SCN8A: variants seen among roughly 807,000 people sequenced by gnomAD.
SCN8A encodes the protein sodium channel protein type 8 subunit alpha.
SCN8A carries 30 observed loss-of-function variants against 184.1 expected under a neutral mutation model. The ratio of observed to expected loss-of-function variants is 0.16; its 90% CI spans 0.12 to 0.22. The LOEUF (loss-of-function observed/expected upper bound fraction) is 0.22. SCN8A is among the 10% of genes least tolerant of loss of function. The pLI, the probability that SCN8A is intolerant of heterozygous loss-of-function variation, is 1.00. For missense variants in SCN8A, 1,057 were observed against 2,498.9 expected (o/e 0.42, Z 12.30); for synonymous variants, 852 against 907.0 (o/e 0.94, Z 1.09).
At chr12:51,690,515 G>A (rs1941488778) in intron 6 of SCN8A, among the ~76,000 whole-genome samples, 1 of 151,600 alleles carries the variant, frequency 6.6e-6, no homozygotes, top group Non-Finnish European at 1.5e-5. Flanking sequence ...ATCACACCCA[G>A]CTCATTTTTA....
chr12:51,763,618 AGTGTTT>A (rs937708119), intron 15 of SCN8A, among the ~76,000 whole-genome samples: 1 of 152,222 alleles, frequency 6.6e-6, no homozygotes, highest in Non-Finnish European at 1.5e-5. Context: ...TGAAGAAGTT[AGTGTTT>A]AAGTTACTCT....
chr12:51,626,401 G>A (rs1034877255), intron 1 of SCN8A, among the ~76,000 whole-genome samples: 1 of 152,096 alleles, frequency 6.6e-6, no homozygotes, highest in Non-Finnish European at 1.5e-5. Flanking sequence ...TACCCAACAC[G>A]ACCTTCCTGC....
intron 1 of SCN8A, among the ~76,000 whole-genome samples, chr12:51,640,220 T>G (rs945543249): frequency 2.7e-4 from 4 of 15,038 alleles, no homozygotes; most frequent in East Asian, 1.4e-3. Flanking sequence ...CTGTTTTTTT[T>G]TTTTTTTTTT....
intron 16 of SCN8A, chr12:51,766,374 A>G (rs1000913385): frequency 4.5e-5 from 15 of 331,274 alleles, no homozygotes; most frequent in Non-Finnish European, 6.8e-5. Context: ...CTTTTTCTTA[A>G]CGACAATTTC....
intron 15 of SCN8A, 39 bp from the exon 16 acceptor site, chr12:51,765,632 T>G: frequency 1.7e-6 from 2 of 1,178,302 alleles, no homozygotes; most frequent in Non-Finnish European, 2.3e-6. Flanking sequence ...ATTGATTGAG[T>G]ATCATTTATT....
At chr12:51,658,263 C>T (rs1329107644) in intron 1 of SCN8A, among the ~76,000 whole-genome samples, 1 of 152,048 alleles carries the variant, frequency 6.6e-6, no homozygotes, top group Non-Finnish European at 1.5e-5. Flanking sequence ...GATGTCTTTC[C>T]ACTTTTTTTC....
intron 7 of SCN8A, among the ~76,000 whole-genome samples, 167 bp from the exon 8 acceptor site, chr12:51,700,977 A>C (rs1941677375): frequency 6.6e-6 from 1 of 152,236 alleles, no homozygotes; most frequent in Non-Finnish European, 1.5e-5. Flanking sequence ...TATATATAAG[A>C]AAATCATTAA....
At chr12:51,746,910 T>C (rs1942519604) in intron 13 of SCN8A, among the ~76,000 whole-genome samples, 1 of 152,242 alleles carries the variant, frequency 6.6e-6, no homozygotes, top group Admixed American at 6.5e-5. Flanking sequence ...TTGATTTAGC[T>C]GAGTTGTCTC....
intron 2 of SCN8A, among the ~76,000 whole-genome samples, chr12:51,676,030 C>T (rs1165186822): frequency 6.6e-6 from 1 of 152,054 alleles, no homozygotes; most frequent in Non-Finnish European, 1.5e-5. Flanking sequence ...TTTTAAAATA[C>T]GGGATTTAGT....
chr12:51,592,992 C>T (rs1183802910), intron 1 of SCN8A, among the ~76,000 whole-genome samples: 1 of 152,062 alleles, frequency 6.6e-6, no homozygotes, highest in East Asian at 1.9e-4. Context: ...ATGCAAATGG[C>T]TGGATAACAT....
chr12:51,706,707 A>G lies in SCN8A; in HGVS notation c.1627A>G (p.Met543Val). ...CAGAATAGGGAGGAAATTTTCCATC[A>G]TGAATCAGGTAAACTCTTCTTTTTT... ...DNRIGRKFSIMNQSLLSIPGS... is the reference protein window; with the variant it reads ...DNRIGRKFSIVNQSLLSIPGS... Residue 543 changes from methionine (M) to valine (V), a missense_variant, in exon 11 of 27, where the codon ATG (methionine) becomes GTG (valine). Met to Val is a conservative substitution (Grantham distance 21). Transcript: ENST00000627620. The G allele has an allele frequency of 6.5e-7, 1 of 1,538,044 alleles. No homozygotes were observed. The highest frequency in any genetic ancestry group is 2.3e-5 in the East Asian group (1 of 44,084).
chr12:51,618,794 A>C (rs1309552532), intron 1 of SCN8A, among the ~76,000 whole-genome samples: 2 of 152,160 alleles, frequency 1.3e-5, no homozygotes, highest in Non-Finnish European at 2.9e-5. Flanking sequence ...AGATCAAGTG[A>C]CTAGATTGAC....
At position 51,807,445 on chromosome 12, in the gene SCN8A, C is replaced by T. The variant is rs777371488; in HGVS notation, c.*16C>T. 6.3e-7 allele frequency: 1 copy of T among 1,591,356 alleles called. No homozygotes were observed. Among genetic ancestry groups the T allele is most frequent in the Admixed American group, 1.8e-5 (1 of 56,288 alleles). On this transcript the variant is annotated 3_prime_UTR_variant, in exon 27 of 27. Coordinates refer to ENST00000627620, the MANE Select transcript of SCN8A (RefSeq NM_001330260.2). The surrounding 1 kb of genome is among the most constrained non-coding windows in gnomAD (Gnocchi z 4.5). ...CAAGTGTTAGAGGAGAACAAAAATTCAGTATTATACAGATCTAAAACTCGC... is the reference window on the plus strand; with the variant it reads ...CAAGTGTTAGAGGAGAACAAAAATTTAGTATTATACAGATCTAAAACTCGC...
intron 13 of SCN8A, among the ~76,000 whole-genome samples, chr12:51,747,942 C>A (rs577181701): frequency 6.6e-6 from 1 of 152,130 alleles, no homozygotes; most frequent in African/African-American, 2.4e-5. Context: ...AAATATTATT[C>A]CAGTTTTTTG....
chr12:51,713,309 C>T, intron 11 of SCN8A: 1 of 1,109,996 alleles, frequency 9.0e-7, no homozygotes, highest in Non-Finnish European at 1.4e-6. Context: ...TGCCCATCAA[C>T]CTTGTGTGGT....
intron 1 of SCN8A, among the ~76,000 whole-genome samples, chr12:51,610,313 G>C (rs2138576102): frequency 6.6e-6 from 1 of 152,292 alleles, no homozygotes; most frequent in South Asian, 2.1e-4. Flanking sequence ...GCAGCAGATG[G>C]TTGGTGAGTT....
chr12:51,766,839 C>T (rs74239984), intron 16 of SCN8A, among the ~76,000 whole-genome samples: 2 of 152,142 alleles, frequency 1.3e-5, no homozygotes, highest in African/African-American at 4.8e-5. Context: ...TAACAAGATC[C>T]TTGTGTGACT....
chr12:51,760,429 C>T (rs1942745328), intron 14 of SCN8A, among the ~76,000 whole-genome samples: 1 of 152,210 alleles, frequency 6.6e-6, no homozygotes, highest in South Asian at 2.1e-4. Flanking sequence ...ATAGGCAACA[C>T]CACATAACTA....
chr12:51,606,606 T>G (rs1939598555), intron 1 of SCN8A, among the ~76,000 whole-genome samples: 1 of 152,148 alleles, frequency 6.6e-6, no homozygotes, highest in African/African-American at 2.4e-5. Context: ...TTAGAATTGT[T>G]TTTCTAATTC....
Sources: allele counts gnomAD v4.1 joint callset (sites outside exome capture counted in the v4.1 genomes callset), GRCh38; gene constraint gnomAD v4.1.1; non-coding constraint Gnocchi (gnomAD v3.1); transcripts MANE v1.5; gene names NCBI Gene and HGNC (gene_info 2026-07-23, HGNC 2026-07-21).